Variants in KIAA0825 observed in about 807,000 individuals in gnomAD.
The protein encoded by KIAA0825 is uncharacterized protein KIAA0825.
In KIAA0825, 119 loss-of-function variants were observed where a neutral mutation model predicts 147.6. The observed-to-expected ratio is 0.81, with a 90% confidence interval of 0.69 to 0.94. The LOEUF (loss-of-function observed/expected upper bound fraction) is 0.94, where lower values mean the gene tolerates loss of function less well. Ranked by LOEUF, KIAA0825 falls within the 40% of genes least tolerant of loss-of-function variation. KIAA0825 has a pLI of 0.00. For missense variants in KIAA0825, 1,381 were observed against 1,472.7 expected, an observed-to-expected ratio of 0.94 and a Z score of 1.02; for synonymous variants, 470 against 518.1, an observed-to-expected ratio of 0.91 and a Z score of 1.26.
chr5:94,574,224 C>G (rs1325160199), intron 2 of KIAA0825, among the ~76,000 whole-genome samples: 1 of 152,020 alleles, frequency 6.6e-6, no homozygotes, highest in Non-Finnish European at 1.5e-5. Context: ...CAAGCCCTCT[C>G]CAACTTGAGG....
chr5:94,270,755 T>C lies in KIAA0825; in HGVS notation c.3710+113613A>G, dbSNP rs558268156. ...ATGACTCAATAGTCAGAAAGAAAAATACAGACACATATAATGATGTAAATA... is the reference window on the plus strand; with the variant it reads ...ATGACTCAATAGTCAGAAAGAAAAACACAGACACATATAATGATGTAAATA... On this transcript the variant is annotated intron_variant, in intron 20 of 20. Coordinates refer to ENST00000682413, the MANE Select transcript of KIAA0825 (RefSeq NM_001145678.3). Among the ~76,000 whole-genome samples the C allele has an allele frequency of 1.6e-4, 24 of 152,084 alleles. No individual in the cohort carries two copies. In the East Asian group the frequency reaches 3.9e-3, roughly 25 times the overall value.
rs966160858 is a variant in KIAA0825, at chr5:94,385,722, C to G, written c.3619+520G>C. On this transcript the variant is annotated intron_variant, in intron 19 of 20. Transcript: ENST00000682413. ...CACATTGACTTTATTCCAAATAGAC[C>G]GGCTTTAAGATCATTAACAAATTCA... is the stretch of plus-strand genomic sequence containing the variant. Among the ~76,000 whole-genome samples the G allele has an allele frequency of 4.6e-5, 7 of 152,208 alleles. No individual in the cohort carries two copies. In the East Asian group the frequency reaches 1.3e-3, roughly 29 times the overall value.
chr5:94,279,588 T>A (rs2150152922), intron 20 of KIAA0825, among the ~76,000 whole-genome samples: 1 of 152,174 alleles, frequency 6.6e-6, no homozygotes, highest in East Asian at 1.9e-4. Flanking sequence ...ATATTACCCA[T>A]TTATCTCTAC....
chr5:94,364,988 A>G (rs1387207869), intron 20 of KIAA0825, among the ~76,000 whole-genome samples: 1 of 152,090 alleles, frequency 6.6e-6, no homozygotes, highest in Non-Finnish European at 1.5e-5. Context: ...TCTCTTTGCC[A>G]AACTACGTGT....
rs149638031 is a variant in KIAA0825, at chr5:94,227,967, TA to T, written c.3711-73844del. The stretch of plus-strand genomic sequence containing the variant: ...TACCCTAGAACTTAATGTATAATAA[TA>T]AAAAAAAATTTTAAGTTTTTCAACA... On this transcript the variant is annotated intron_variant, in intron 20 of 20. Transcript: ENST00000682413. 1.9e-4 allele frequency among the ~76,000 whole-genome samples: 29 copies of T among 151,294 alleles called. No homozygotes were observed. The East Asian group carries it at 2.5e-3, about 13-fold the overall frequency.
chr5:94,163,999 A>T (rs1254801866), intron 20 of KIAA0825, among the ~76,000 whole-genome samples: 1 of 152,200 alleles, frequency 6.6e-6, no homozygotes, highest in East Asian at 1.9e-4. Flanking sequence ...GTTTTGAGAG[A>T]TCAACCTTAG....
chr5:94,382,156 G>A (rs1173672932), intron 20 of KIAA0825, among the ~76,000 whole-genome samples: 1 of 152,142 alleles, frequency 6.6e-6, no homozygotes, highest in Non-Finnish European at 1.5e-5. Flanking sequence ...AGCATATTCA[G>A]CTGAACTGCT....
intron 1 of KIAA0825, chr5:94,593,790 T>C: frequency 3.0e-6 from 1 of 337,550 alleles, no homozygotes; most frequent in South Asian, 2.7e-5. Context: ...GTAGGGAGTT[T>C]TTTTGTGAAA....
chr5:94,169,284 T>A (rs1464984860), intron 20 of KIAA0825, among the ~76,000 whole-genome samples: 1 of 152,166 alleles, frequency 6.6e-6, no homozygotes, highest in Admixed American at 6.5e-5. Flanking sequence ...ACTAAGAAGT[T>A]AAAAAATTTA....
intron 20 of KIAA0825, among the ~76,000 whole-genome samples, chr5:94,364,269 C>T (rs544784570): frequency 4.0e-5 from 6 of 151,690 alleles, no homozygotes; most frequent in East Asian, 1.9e-4. Context: ...GGGTCTTCGA[C>T]GGGCAGAGTA....
chr5:94,403,600 T>C lies in KIAA0825; in HGVS notation c.2856A>G (p.Pro952=). ...ESMPKEWNYS[P]KETNRKESCK... The stretch of plus-strand genomic sequence containing the variant: ...ATGATTCTTTCCTGTTAGTTTCTTT[T>C]GGACTATAATTCCATTCCTTTGGCA... The change falls in exon 16 of 21, where the codon CCA becomes CCG. Residue 952 remains proline (P), a synonymous_variant. Coordinates refer to ENST00000682413, the MANE Select transcript of KIAA0825 (RefSeq NM_001145678.3). 1.3e-6 allele frequency: 2 copies of C among 1,551,566 alleles called. No individual in the cohort carries two copies. Among genetic ancestry groups the C allele is most frequent in the South Asian group, 2.4e-5 (2 of 84,062 alleles).
chr5:94,275,848 C>T (rs1027405194), intron 20 of KIAA0825, among the ~76,000 whole-genome samples: 13 of 152,064 alleles, frequency 8.5e-5, no homozygotes, highest in African/African-American at 2.9e-4. Context: ...AGTCTTTCAG[C>T]GTAAAACAAA....
At chr5:94,265,029 C>T (rs564379074) in intron 20 of KIAA0825, among the ~76,000 whole-genome samples, 4 of 151,932 alleles carry the variant, frequency 2.6e-5, no homozygotes, top group South Asian at 2.1e-4. Flanking sequence ...GTGATCTGCC[C>T]GCCTTGGCCT....
Position 94,152,614 on chromosome 5 carries a change from C to G in KIAA0825, c.*1393G>C, listed in dbSNP as rs540112403. Among the ~76,000 whole-genome samples, 34 of 150,424 alleles carry G rather than the reference C, an allele frequency of 2.3e-4. No individual in the cohort carries two copies. The highest frequency in any genetic ancestry group is 3.3e-4 in the Non-Finnish European group (22 of 67,648). ...ATCACTTGAGACAAGGAGTTCAAGTCCAGCCTGGGCAACATAGTGAGACCT... is the reference window on the plus strand; with the variant it reads ...ATCACTTGAGACAAGGAGTTCAAGTGCAGCCTGGGCAACATAGTGAGACCT... On this transcript the variant is annotated 3_prime_UTR_variant, in exon 21 of 21. Transcript: ENST00000682413.
intron 4 of KIAA0825, among the ~76,000 whole-genome samples, chr5:94,521,837 A>G (rs1237017837): frequency 6.6e-6 from 1 of 151,750 alleles, no homozygotes; most frequent in East Asian, 1.9e-4. Context: ...CAAGCTGATT[A>G]CAAGAGAAAT....
At chr5:94,394,534 A>G (rs1750371463) in intron 17 of KIAA0825, among the ~76,000 whole-genome samples, 1 of 152,164 alleles carries the variant, frequency 6.6e-6, no homozygotes, top group Non-Finnish European at 1.5e-5. Flanking sequence ...TTGAAATCAG[A>G]TTTTAAGGAA....
intron 3 of KIAA0825, among the ~76,000 whole-genome samples, chr5:94,524,341 A>G (rs1176518374): frequency 6.6e-6 from 1 of 151,730 alleles, no homozygotes; most frequent in East Asian, 1.9e-4. Flanking sequence ...TGAACTAGAA[A>G]TTCTTTTGTG....
chr5:94,286,366 C>G lies in KIAA0825; in HGVS notation c.3710+98002G>C, dbSNP rs564423595. On this transcript the variant is annotated intron_variant, in intron 20 of 20. Coordinates refer to ENST00000682413, the MANE Select transcript of KIAA0825 (RefSeq NM_001145678.3). Reference sequence around the variant, plus strand: ...CTATTCATCTTTGCTCCTTGGCAATCCCATACACACTTATAATGATCAAAT... The same window carrying G: ...CTATTCATCTTTGCTCCTTGGCAATGCCATACACACTTATAATGATCAAAT... Among the ~76,000 whole-genome samples, 5 of 152,180 alleles carry G rather than the reference C, an allele frequency of 3.3e-5. No homozygotes were observed. The South Asian group carries it at 1.0e-3, about 32-fold the overall frequency.
chr5:94,430,351 CAA>C (rs1202289680), intron 14 of KIAA0825, among the ~76,000 whole-genome samples: 1 of 152,062 alleles, frequency 6.6e-6, no homozygotes, highest in Non-Finnish European at 1.5e-5. Flanking sequence ...AATCAAGTAA[CAA>C]AACATTTTCA....
Sources: gnomAD v4.1 joint callset for allele counts (sites outside exome capture counted in the v4.1 genomes callset) on GRCh38, gnomAD v4.1.1 for gene constraint, MANE v1.5 for transcripts, NCBI Gene and HGNC (gene_info 2026-07-23, HGNC 2026-07-21) for gene names.